Variants in TXNRD2 observed in about 807,000 individuals in gnomAD.
TXNRD2 encodes thioredoxin reductase 2, mitochondrial.
Under a neutral mutation model 70.8 loss-of-function variants are expected in TXNRD2, and 67 were observed. The observed-to-expected ratio is 0.95, with a 90% CI of 0.78 to 1.16. The LOEUF (loss-of-function observed/expected upper bound fraction) is 1.16. Ranked by LOEUF, TXNRD2 falls within the 50% of genes most tolerant of loss-of-function variation. The probability of loss-of-function intolerance (pLI) is 0.00; values close to 1 mark genes in which losing one functional copy is unlikely to be tolerated. For synonymous variants in TXNRD2, 301 were observed against 295.8 expected (o/e 1.02, Z -0.18); for missense variants, 644 against 719.9 (o/e 0.89, Z 1.21).
intron 8 of TXNRD2, among the ~76,000 whole-genome samples, chr22:19,909,779 C>T: frequency 7.3e-6 from 1 of 136,634 alleles, no homozygotes; most frequent in East Asian, 2.4e-4. Context: ...ACACACCACA[C>T]ACACCACACA....
chr22:19,911,174 C>A, intron 8 of TXNRD2: 1 of 679,120 alleles, frequency 1.5e-6, no homozygotes, highest in South Asian at 1.5e-5. Flanking sequence ...TGGCCTCAAG[C>A]AATCCTCCCG....
intron 1 of TXNRD2, among the ~76,000 whole-genome samples, chr22:19,935,392 C>T (rs1236089385): frequency 1.3e-5 from 2 of 152,140 alleles, no homozygotes; most frequent in African/African-American, 2.4e-5. Flanking sequence ...TGCTCTTAAA[C>T]CATGTTTTCC....
intron 17 of TXNRD2, chr22:19,876,318 G>A (rs1233727926): frequency 1.3e-5 from 2 of 152,396 alleles, no homozygotes; most frequent in Non-Finnish European, 1.5e-5. Flanking sequence ...GGGTGCCCCA[G>A]GTGGGCTGGA....
intron 14 of TXNRD2, 110 bp downstream of exon 14, chr22:19,880,069 C>A (rs1300001109): frequency 2.0e-5 from 23 of 1,134,120 alleles, no homozygotes; most frequent in Non-Finnish European, 2.8e-5. Flanking sequence ...CTGCTCAGGG[C>A]CCCTGGAAAG....
chr22:19,881,105 G>A (rs900247692), intron 12 of TXNRD2: 1 of 461,998 alleles, frequency 2.2e-6, no homozygotes, highest in Admixed American at 3.8e-5. Flanking sequence ...GGAATCCCCG[G>A]CTAAAAAGGG....
chr22:19,928,459 A>C (rs1941235748), intron 2 of TXNRD2, among the ~76,000 whole-genome samples: 3 of 152,250 alleles, frequency 2.0e-5, no homozygotes, highest in Admixed American at 6.5e-5. Context: ...GAGTGAAAGA[A>C]GCCAGAAGAG....
chr22:19,931,843 T>C (rs1941371956), intron 1 of TXNRD2, among the ~76,000 whole-genome samples: 1 of 152,086 alleles, frequency 6.6e-6, no homozygotes, highest in South Asian at 2.1e-4. Flanking sequence ...TTGTGAAGGC[T>C]GCCCTCCGTC....
chr22:19,904,429 C>A (rs1601424732), intron 8 of TXNRD2, among the ~76,000 whole-genome samples: 1 of 152,380 alleles, frequency 6.6e-6, no homozygotes, highest in East Asian at 1.9e-4. Context: ...CCTGGGCTCC[C>A]TAAGACCTGG....
chr22:19,922,299 T>C (rs1000930682), intron 2 of TXNRD2, among the ~76,000 whole-genome samples: 4 of 152,180 alleles, frequency 2.6e-5, no homozygotes, highest in African/African-American at 4.8e-5. Flanking sequence ...CTCACTTGTG[T>C]GCCCTAACTC....
intron 1 of TXNRD2, among the ~76,000 whole-genome samples, chr22:19,936,194 T>C (rs191552996): frequency 1.3e-5 from 2 of 152,228 alleles, no homozygotes; most frequent in East Asian, 3.9e-4. Context: ...GCCATCCTAA[T>C]GACATACCAA....
intron 4 of TXNRD2, among the ~76,000 whole-genome samples, chr22:19,918,577 C>A (rs573985705): frequency 6.6e-6 from 1 of 152,286 alleles, no homozygotes; most frequent in South Asian, 2.1e-4. Context: ...CCCACCCGCA[C>A]TCCTGGCCTT....
rs777122630 is a variant in TXNRD2 at position 19,920,191 on chromosome 22, C to T, written c.173-592G>A. 1.8e-4 allele frequency among the ~76,000 whole-genome samples: 28 copies of T among 152,354 alleles called. 1 individual carries two copies. On this transcript the variant is annotated intron_variant, in intron 2 of 17. Transcript: ENST00000400521. ...CCAGAGCAGGAGCCGAGACCTGACT[C>T]CAAACCACACTTCCCGCTGCAGAGC... is the stretch of plus-strand genomic sequence containing the variant.
intron 2 of TXNRD2, among the ~76,000 whole-genome samples, chr22:19,920,516 G>C (rs978474327): frequency 1.3e-5 from 2 of 152,122 alleles, no homozygotes; most frequent in African/African-American, 2.4e-5. Flanking sequence ...CCAAGAGGCA[G>C]AGGCTGCAGT....
intron 11 of TXNRD2, among the ~76,000 whole-genome samples, chr22:19,893,014 C>T (rs191224141): frequency 2.0e-5 from 3 of 152,350 alleles, no homozygotes; most frequent in South Asian, 2.1e-4. Context: ...AGGTCCTCCC[C>T]GGTCATCACC....
chr22:19,937,964 CACAA>C (rs770486702), intron 1 of TXNRD2: 2 of 152,410 alleles, frequency 1.3e-5, no homozygotes, highest in East Asian at 3.9e-4. Flanking sequence ...CAGCCCCCAG[CACAA>C]ACAAATTTAC....
chr22:19,931,139 G>C, intron 1 of TXNRD2, 41 bp from the exon 2 acceptor site: 1 of 1,581,296 alleles, frequency 6.3e-7, no homozygotes, highest in Non-Finnish European at 8.7e-7. Flanking sequence ...TGTCTGTCTG[G>C]TTAAACGTGG....
chr22:19,932,538 T>G lies in TXNRD2; in HGVS notation c.104-1440A>C, dbSNP rs947765994. 2.2e-4 allele frequency: 341 copies of G among 1,520,834 alleles called. 1 individual carries two copies. The highest frequency in any genetic ancestry group is 2.9e-4 in the Non-Finnish European group (328 of 1,131,122). 94.2% of individuals were successfully genotyped at this position (1,520,834 alleles called of 1,614,324 possible). ...AGTAGAGAGGGGAAGTACACTGAAC[T>G]GGGCCTGAGGTCCGGGACACCCAGC... On this transcript the variant is annotated intron_variant, in intron 1 of 17. Transcript: ENST00000400521.
At chr22:19,915,319 G>A in intron 6 of TXNRD2, 43 bp from the exon 7 acceptor site, 1 of 1,595,158 alleles carries the variant, frequency 6.3e-7, no homozygotes, top group South Asian at 1.1e-5. Context: ...CAGGTGCATG[G>A]TGATCACCCC....
At chr22:19,916,171 C>T (rs1008614941) in intron 5 of TXNRD2, 2 of 366,714 alleles carry the variant, frequency 5.5e-6, no homozygotes, top group Admixed American at 7.9e-5. Flanking sequence ...GGACAGTCCT[C>T]ATCACCCGGA....
Sources: gnomAD v4.1 joint callset for allele counts (sites outside exome capture counted in the v4.1 genomes callset) on GRCh38, gnomAD v4.1.1 for gene constraint, MANE v1.5 for transcripts, NCBI Gene and HGNC (gene_info 2026-07-23, HGNC 2026-07-21) for gene names.